JAK3: variants seen among roughly 807,000 people sequenced by gnomAD.
JAK3 encodes tyrosine-protein kinase JAK3.
JAK3 carries 88 observed loss-of-function variants against 120.8 expected under a neutral mutation model. The observed-to-expected ratio is 0.73, with a 90% CI of 0.61 to 0.87. The LOEUF is 0.87. JAK3 is among the 40% of genes least tolerant of loss of function. The probability of loss-of-function intolerance (pLI) is 0.00; values close to 1 mark genes in which losing one functional copy is unlikely to be tolerated. For synonymous variants in JAK3, 592 were observed against 628.6 expected (o/e 0.94, Z 0.87); for missense variants, 1,254 against 1,501.4 (o/e 0.84, Z 2.72).
At chr19:17,830,339 T>C in intron 22 of JAK3, 121 bp from the exon 23 acceptor site, 1 of 926,394 alleles carries the variant, frequency 1.1e-6, no homozygotes. Flanking sequence ...GCCTGAACCG[T>C]GAAGGGGTCA....
intron 23 of JAK3, 87 bp from the exon 24 acceptor site, chr19:17,826,997 T>G: frequency 6.9e-7 from 1 of 1,441,106 alleles, no homozygotes. Context: ...TTTGTTTTTT[T>G]GAGACGGAGT....
Position 17,838,404 on chromosome 19 carries a change from A to T in JAK3, c.1442-14T>A, listed in dbSNP as rs772350733. The T allele has an allele frequency of 4.3e-6, 7 of 1,614,148 alleles. No homozygotes were observed. In the South Asian group the frequency reaches 5.5e-5, roughly 13 times the overall value. On this transcript the variant is annotated splice_polypyrimidine_tract_variant and intron_variant, in intron 10 of 23. Coordinates refer to ENST00000458235, the MANE Select transcript of JAK3 (RefSeq NM_000215.4). ...GGTTGGACTTTTCTATGGGGAGAGG[A>T]TGAGGGAGAAAAACCAGAAATCAGA...
At position 17,829,813 on chromosome 19, in the gene JAK3, C is replaced by A. The variant is rs967627564; in HGVS notation, c.3207+295G>T. 4.8e-5 allele frequency: 25 copies of A among 519,506 alleles called. 1 individual carries two copies. Among genetic ancestry groups the A allele is most frequent in the Non-Finnish European group, 8.3e-5 (24 of 290,502 alleles). 32.2% of individuals were successfully genotyped at this position (519,506 alleles called of 1,614,324 possible). On this transcript the variant is annotated intron_variant, in intron 23 of 23. Transcript: ENST00000458235. ...AACGTCACCACCATTTATGGAGCAT[C>A]GACTGTGTGCTCGGCTTTGAGCTGA...
chr19:17,829,389 C>A (rs1435337869), intron 23 of JAK3, among the ~76,000 whole-genome samples: 1 of 152,090 alleles, frequency 6.6e-6, no homozygotes, highest in Non-Finnish European at 1.5e-5. Flanking sequence ...GAACTCCTGA[C>A]CTCCGGTGAT....
chr19:17,830,192 C>T lies in JAK3; in HGVS notation c.3123G>A (p.Glu1041=), dbSNP rs2094211215. The T allele has an allele frequency of 6.3e-7, 1 of 1,589,370 alleles. No individual in the cohort carries two copies. Among genetic ancestry groups the T allele is most frequent in the Non-Finnish European group, 8.6e-7 (1 of 1,169,242 alleles). ...SAEFLRMMGC[E]RDVPALCRLL... ...GGCGGCAGAGGGCGGGGACATCCCG[C>T]TCACATCCCATCATCCGCAGGAACT... The change falls in exon 23 of 24, where the codon GAG becomes GAA. Residue 1041 remains glutamate (E), a synonymous_variant. Coordinates refer to ENST00000458235, the MANE Select transcript of JAK3 (RefSeq NM_000215.4).
chr19:17,839,619 G>A lies in JAK3; in HGVS notation c.1299C>T (p.Ser433=), dbSNP rs1185729592. 4 of 1,612,228 alleles carry A rather than the reference G, an allele frequency of 2.5e-6. No homozygotes were observed. Among genetic ancestry groups the A allele is most frequent in the East Asian group, 4.5e-5 (2 of 44,868 alleles). ...CAACCAGAAGGAAGGTTCCTGTGGG[G>A]CTGCGCCGGATGAGGCAGCCCTTAT... ...PDYKGCLIRR[S]PTGTFLLVGL... The change falls in exon 10 of 24, where the codon AGC becomes AGT. Residue 433 remains serine, a synonymous_variant. Transcript: ENST00000458235.
intron 1 of JAK3, among the ~76,000 whole-genome samples, chr19:17,844,983 C>A (rs2094248940): frequency 6.6e-6 from 1 of 151,826 alleles, no homozygotes; most frequent in Admixed American, 6.6e-5. Context: ...GCTTCGAGTC[C>A]CCTGAGAAAA....
At position 17,834,710 on chromosome 19, in the gene JAK3, A is replaced by C; in HGVS notation, c.2211T>G (p.Phe737Leu). 1 of 1,613,950 alleles carries C rather than the reference A, an allele frequency of 6.2e-7. No homozygotes were observed. Among genetic ancestry groups the C allele is most frequent in the Non-Finnish European group, 8.5e-7 (1 of 1,179,968 alleles). ...CCGGCAGCTGCTGCCGGTCCTCATA[A>C]AATTGGAGTTTCTGAGGGTGAGAGG... ...SALDPAKKLQ[F>L]YEDRQQLPAP... The change falls in exon 17 of 24, where the codon TTT (phenylalanine) becomes TTG (leucine). Residue 737 changes from phenylalanine (F) to leucine (L), a missense_variant. Phe to Leu is a conservative substitution (Grantham distance 22, BLOSUM62 0). Around this residue, in one of 3 missense-constraint regions of JAK3, gnomAD observed 630 missense variants for 819.8 expected, o/e 0.77. Coordinates refer to ENST00000458235, the MANE Select transcript of JAK3 (RefSeq NM_000215.4).
rs2094243367 is a variant in JAK3 at position 17,842,898 on chromosome 19, GC to G, written c.566+128del. 1 of 1,307,178 alleles carries G rather than the reference GC, an allele frequency of 7.7e-7. No homozygotes were observed. Among genetic ancestry groups the G allele is most frequent in the Admixed American group, 1.8e-5 (1 of 55,824 alleles). 81.0% of individuals were successfully genotyped at this position (1,307,178 alleles called of 1,614,324 possible). A position where few individuals can be genotyped will look rare whatever the true frequency, so the allele number is the denominator to read the frequency against. ...GTGGAGAGGGCTGGGTTCGTGGGAG[GC>G]CCTGGGTCATAGGAACACCCTGAAA... On this transcript the variant is annotated intron_variant, in intron 5 of 23. Coordinates refer to ENST00000458235, the MANE Select transcript of JAK3 (RefSeq NM_000215.4). This position sits in a 1 kb window ranked among gnomAD's most constrained non-coding sequence, Gnocchi z 6.4.
chr19:17,839,080 GA>G (rs1236385449), intron 10 of JAK3: 1 of 359,078 alleles, frequency 2.8e-6, no homozygotes, highest in Non-Finnish European at 5.4e-6. Context: ...GAGCGACAAG[GA>G]AGGAAGGAGC....
At chr19:17,834,541 C>T in intron 17 of JAK3, 30 bp downstream of exon 17, 2 of 1,613,098 alleles carry the variant, frequency 1.2e-6, no homozygotes, top group East Asian at 2.2e-5. Flanking sequence ...ACATCACAGC[C>T]CTCCCCACCC....
At position 17,825,431 on chromosome 19, in the gene JAK3, A is replaced by C. The variant is rs549996792; in HGVS notation, c.*1312T>G. ...CAGGTGGGAAAACTGAAGCCCTAGG[A>C]CACTCAGATACCATTAGGGTGGACT... On this transcript the variant is annotated 3_prime_UTR_variant, in exon 24 of 24. Coordinates refer to ENST00000458235, the MANE Select transcript of JAK3 (RefSeq NM_000215.4). 1 of 217,778 alleles carries C rather than the reference A, an allele frequency of 4.6e-6. No individual in the cohort carries two copies. The highest frequency in any genetic ancestry group is 9.2e-6 in the Non-Finnish European group (1 of 108,384). 13.5% of individuals were successfully genotyped at this position (217,778 alleles called of 1,614,324 possible). A position where few individuals can be genotyped will look rare whatever the true frequency, so the allele number is the denominator to read the frequency against.
rs777479500 is a variant in JAK3, at chr19:17,838,017, C to G, written c.1616G>C (p.Cys539Ser). The part of the protein sequence containing the change: ...HGSFTKIYRG[C>S]RHEVVDGEAR... Reference sequence around the variant, plus strand: ...CTCCCCATCCACCACCTCATGGCGACAGCCCCGGTAAATCTTGGTGAAGGA... The same window carrying G: ...CTCCCCATCCACCACCTCATGGCGAGAGCCCCGGTAAATCTTGGTGAAGGA... The change falls in exon 12 of 24, where the codon TGT (cysteine) becomes TCT (serine). Residue 539 changes from cysteine (C) to serine (S), a missense_variant. Cys to Ser is a moderately radical substitution (Grantham distance 112). Transcript: ENST00000458235. 6.2e-7 allele frequency: 1 copy of G among 1,614,150 alleles called. No individual in the cohort carries two copies. Among genetic ancestry groups the G allele is most frequent in the Non-Finnish European group, 8.5e-7 (1 of 1,180,038 alleles).
chr19:17,843,937 AC>A lies in JAK3; in HGVS notation c.185-38del. The A allele has an allele frequency of 3.1e-6, 5 of 1,611,456 alleles. No homozygotes were observed. The highest frequency in any genetic ancestry group is 4.2e-6 in the Non-Finnish European group (5 of 1,179,012). ...GGTCCCATCAGCTCCCTCCTGAGTC[AC>A]CCCATCTGTGCCCTTCAGGAGTGCC... On this transcript the variant is annotated intron_variant, in intron 2 of 23. Coordinates refer to ENST00000458235, the MANE Select transcript of JAK3 (RefSeq NM_000215.4). The surrounding 1 kb of genome is among the most constrained non-coding windows in gnomAD (Gnocchi z 5.4).
intron 1 of JAK3, among the ~76,000 whole-genome samples, chr19:17,846,909 A>AG (rs35515117): frequency 0.34 from 49,882 of 148,594 alleles, 9,760 homozygotes; most frequent in African/African-American, 0.56. Context: ...TTTATTTTGT[A>AG]GGGGGGAGGA....
chr19:17,834,622 T>C lies in JAK3; in HGVS notation c.2299A>G (p.Arg767Gly), dbSNP rs2147681498. 6.2e-7 allele frequency: 1 copy of C among 1,606,356 alleles called. No homozygotes were observed. ...QQCMAYEPVQ[R>G]PSFRAVIRDL... ...CGAATGACGGCTCGGAAGGAGGGCC[T>C]CTGGACCGGCTCATAGGCCATGCAC... The change falls in exon 17 of 24, where the codon AGG (arginine) becomes GGG (glycine). Residue 767 changes from arginine to glycine, a missense_variant. By Grantham distance (125) the Arg-to-Gly change is moderately radical (BLOSUM62 -2). Transcript: ENST00000458235.
chr19:17,844,113 A>G, intron 2 of JAK3, 121 bp downstream of exon 2: 1 of 1,242,598 alleles, frequency 8.0e-7, no homozygotes, highest in Non-Finnish European at 1.1e-6. Flanking sequence ...CAAAACTCCT[A>G]CTCATCCCCC....
In JAK3 at chr19:17,839,534, G is replaced by GC. The variant is rs2147691124; in HGVS notation, c.1383dup (p.Leu462AlafsTer58). ...GTCACTGCCACCCCATCTACGTGCA[G>GC]CCCCCCATCCCAGCAGGTTGCCAGG... On this transcript the variant is annotated frameshift_variant, in exon 10 of 24. Transcript: ENST00000458235. LOFTEE classifies it high-confidence loss of function. The GC allele has an allele frequency of 3.1e-6, 5 of 1,602,840 alleles. No individual in the cohort carries two copies. The highest frequency in any genetic ancestry group is 4.3e-6 in the Non-Finnish European group (5 of 1,174,880).
chr19:17,831,185 A>T lies in JAK3; in HGVS notation c.2978+43T>A. 2 of 1,587,686 alleles carry T rather than the reference A, an allele frequency of 1.3e-6. No individual in the cohort carries two copies. Among genetic ancestry groups the T allele is most frequent in the African/African-American group, 1.4e-5 (1 of 72,184 alleles). On this transcript the variant is annotated intron_variant, in intron 21 of 23. Coordinates refer to ENST00000458235, the MANE Select transcript of JAK3 (RefSeq NM_000215.4). This position sits in a 1 kb window ranked among gnomAD's most constrained non-coding sequence, Gnocchi z 5.1. ...GGGGCATGGCTGGGGGCGGAGCCAG[A>T]GCCGTGGGGAATAGGGGCGGAGCCT...
Sources: allele counts gnomAD v4.1 joint callset (sites outside exome capture counted in the v4.1 genomes callset), GRCh38; gene constraint gnomAD v4.1.1; regional missense constraint gnomAD v4.1.1; non-coding constraint Gnocchi (gnomAD v3.1); transcripts MANE v1.5; gene names NCBI Gene and HGNC (gene_info 2026-07-23, HGNC 2026-07-21).